Variants in IMMP2L observed in about 807,000 individuals in gnomAD.
The protein encoded by IMMP2L is inner mitochondrial membrane peptidase subunit 2, also known as mitochondrial inner membrane protease subunit 2.
IMMP2L carries 18 observed loss-of-function variants against 19.3 expected under a neutral mutation model. The observed-to-expected ratio is 0.93, with a 90% confidence interval of 0.64 to 1.38. IMMP2L has a LOEUF of 1.38. Among genes scored for constraint, IMMP2L ranks in the 40% most tolerant of loss-of-function variants. The pLI is 0.00. For synonymous variants in IMMP2L, 76 were observed against 73.0 expected (o/e 1.04, Z -0.21); for missense variants, 233 against 218.2 (o/e 1.07, Z -0.43).
intron 3 of IMMP2L, among the ~76,000 whole-genome samples, chr7:111,000,219 C>G (rs867834142): frequency 1.9e-4 from 29 of 152,288 alleles, no homozygotes; most frequent in African/African-American, 6.3e-4. Flanking sequence ...CTCTATGGAC[C>G]TTGCTGACTA....
intron 3 of IMMP2L, among the ~76,000 whole-genome samples, chr7:111,406,297 T>A (rs1833896242): frequency 6.6e-6 from 1 of 151,976 alleles, no homozygotes; most frequent in South Asian, 2.1e-4. Flanking sequence ...AAAAAGTACA[T>A]CTTTAAAATA....
At chr7:111,053,763 GC>G (rs1168129332) in intron 3 of IMMP2L, among the ~76,000 whole-genome samples, 1 of 152,200 alleles carries the variant, frequency 6.6e-6, no homozygotes, top group Non-Finnish European at 1.5e-5. Context: ...TCTATTCAGT[GC>G]CAAATGCACC....
At chr7:111,151,529 T>C (rs1203908740) in intron 3 of IMMP2L, among the ~76,000 whole-genome samples, 1 of 152,086 alleles carries the variant, frequency 6.6e-6, no homozygotes, top group Admixed American at 6.6e-5. Context: ...TTAAGGGACA[T>C]AACCAAATGT....
chr7:111,350,563 T>C (rs942275543), intron 3 of IMMP2L, among the ~76,000 whole-genome samples: 1 of 152,062 alleles, frequency 6.6e-6, no homozygotes, highest in African/African-American at 2.4e-5. Flanking sequence ...ATCTGCATTT[T>C]ATATGATCAT....
intron 1 of IMMP2L, among the ~76,000 whole-genome samples, chr7:111,539,196 G>GAAGGAAGGAGAA (rs1848235484): frequency 1.2e-3 from 37 of 30,060 alleles, no homozygotes; most frequent in Non-Finnish European, 1.3e-3. Flanking sequence ...AGGAAGGAGG[G>GAAGGAAGGAGAA]AGAAAGAAAG....
intron 3 of IMMP2L, among the ~76,000 whole-genome samples, chr7:111,008,465 G>C (rs1248346730): frequency 1.3e-5 from 2 of 151,876 alleles, no homozygotes; most frequent in Non-Finnish European, 2.9e-5. Flanking sequence ...TGTTGTATTA[G>C]AAAAATCTTC....
intron 3 of IMMP2L, among the ~76,000 whole-genome samples, chr7:111,243,472 T>A (rs572990765): frequency 5.3e-5 from 8 of 151,750 alleles, no homozygotes; most frequent in Admixed American, 4.0e-4. Context: ...AGTTATATGC[T>A]TATAGAAGTA....
chr7:111,345,881 T>C (rs1305625498), intron 3 of IMMP2L, among the ~76,000 whole-genome samples: 3 of 152,202 alleles, frequency 2.0e-5, no homozygotes, highest in Admixed American at 2.0e-4. Flanking sequence ...CATGTGGCTA[T>C]GCTCCTTAGA....
chr7:111,353,538 T>C (rs1226048408), intron 3 of IMMP2L, among the ~76,000 whole-genome samples: 1 of 152,144 alleles, frequency 6.6e-6, no homozygotes. Context: ...CACTATCTTG[T>C]GTGTCAAGAT....
intron 1 of IMMP2L, among the ~76,000 whole-genome samples, chr7:111,529,274 T>G (rs1047312697): frequency 2.0e-5 from 3 of 151,974 alleles, no homozygotes; most frequent in African/African-American, 7.3e-5. Flanking sequence ...ATGTGAAAAA[T>G]CAGGAGACAT....
At chr7:111,111,558 A>G (rs1799206281) in intron 3 of IMMP2L, among the ~76,000 whole-genome samples, 1 of 152,112 alleles carries the variant, frequency 6.6e-6, no homozygotes, top group South Asian at 2.1e-4. Context: ...CCTGATATAG[A>G]CTAGTCCTTA....
At chr7:110,802,909 G>C (rs559465937) in intron 5 of IMMP2L, among the ~76,000 whole-genome samples, 2 of 152,186 alleles carry the variant, frequency 1.3e-5, no homozygotes, top group East Asian at 1.9e-4. Context: ...GATAACTCTA[G>C]GTGTGGTCCC....
At position 111,390,722 on chromosome 7, in the gene IMMP2L, G is replaced by A. The variant is rs766836666; in HGVS notation, c.239+96516C>T. ...GTAGTGAAATAGAAATACAACAAAC[G>A]ATTTCCATGGCAATAGGTAATAATC... On this transcript the variant is annotated intron_variant, in intron 3 of 5. Transcript: ENST00000405709. The A allele has an allele frequency of 2.0e-5, 3 of 152,054 alleles. 1 individual carries two copies. Among genetic ancestry groups the A allele is most frequent in the Non-Finnish European group, 2.9e-5 (2 of 67,988 alleles). 9.4% of individuals were successfully genotyped at this position (152,054 alleles called of 1,614,324 possible).
At chr7:111,058,641 A>G (rs1396823476) in intron 3 of IMMP2L, among the ~76,000 whole-genome samples, 2 of 152,234 alleles carry the variant, frequency 1.3e-5, no homozygotes, top group African/African-American at 4.8e-5. Context: ...CTTCTAACTC[A>G]TCTTAAACAC....
rs957185052 is a variant in IMMP2L, at chr7:111,090,645, G to A, written c.240-127080C>T. ...AAAAAAAAGTGTTATTGAACACCAA[G>A]CACATATGCTAAATTAAGTAGGATC... On this transcript the variant is annotated intron_variant, in intron 3 of 5. Coordinates refer to ENST00000405709, the MANE Select transcript of IMMP2L (RefSeq NM_032549.4). Among the ~76,000 whole-genome samples, 4 of 147,452 alleles carry A rather than the reference G, an allele frequency of 2.7e-5. No individual in the cohort carries two copies. The East Asian group carries it at 7.9e-4, about 29-fold the overall frequency.
intron 3 of IMMP2L, among the ~76,000 whole-genome samples, chr7:111,410,467 T>C (rs1249259089): frequency 1.3e-5 from 2 of 151,650 alleles, no homozygotes; most frequent in East Asian, 1.9e-4. Context: ...AGTATGTACA[T>C]TGTTCAAATT....
rs180856114 is a variant in IMMP2L at position 111,006,117 on chromosome 7, A to G, written c.240-42552T>C. ...ACATTTTAGCGTAAATTATGCTTAC[A>G]TCTCCCATGCGGTTTAGGAAAGACT... is the stretch of plus-strand genomic sequence containing the variant. On this transcript the variant is annotated intron_variant, in intron 3 of 5. Transcript: ENST00000405709. Among the ~76,000 whole-genome samples, 108 of 152,296 alleles carry G rather than the reference A, an allele frequency of 7.1e-4. No individual in the cohort carries two copies. In the East Asian group the frequency reaches 0.02, roughly 28 times the overall value.
intron 3 of IMMP2L, among the ~76,000 whole-genome samples, chr7:111,112,740 C>A (rs182448358): frequency 8.8e-4 from 134 of 152,250 alleles, no homozygotes; most frequent in African/African-American, 3.2e-3. Context: ...CAATCCCATG[C>A]TTATTATAGG....
At chr7:111,511,653 A>C (rs555531046) in intron 2 of IMMP2L, among the ~76,000 whole-genome samples, 134 of 151,132 alleles carry the variant, frequency 8.9e-4, no homozygotes, top group African/African-American at 3.1e-3. Flanking sequence ...TGTTGAACAA[A>C]AAAAAAAAAA....
Sources: gnomAD v4.1 joint callset for allele counts (sites outside exome capture counted in the v4.1 genomes callset) on GRCh38, gnomAD v4.1.1 for gene constraint, MANE v1.5 for transcripts, NCBI Gene and HGNC (gene_info 2026-07-23, HGNC 2026-07-21) for gene names.